The following SCIN variants were observed in gnomAD, a reference collection of about 807,000 sequenced individuals.
SCIN encodes the protein adseverin.
SCIN carries 91 observed loss-of-function variants against 91.8 expected under a neutral mutation model. That is an observed-to-expected ratio of 0.99 (90% CI 0.84 to 1.18). SCIN has a LOEUF of 1.18. Among genes scored for constraint, SCIN ranks in the 50% most tolerant of loss-of-function variants. The probability of loss-of-function intolerance (pLI) is 0.00; values close to 1 mark genes in which losing one functional copy is unlikely to be tolerated. For synonymous variants in SCIN, 367 were observed against 312.6 expected (o/e 1.17, Z -1.84); for missense variants, 1,087 against 863.9 (o/e 1.26, Z -3.24).
At chr7:12,623,372 T>C (rs1024621052) in intron 5 of SCIN, among the ~76,000 whole-genome samples, 3 of 152,108 alleles carry the variant, frequency 2.0e-5, no homozygotes, top group African/African-American at 7.2e-5. Context: ...ACAGTTCTGT[T>C]CCAGGCATTA....
Position 12,578,234 on chromosome 7 carries a change from AG to A in SCIN, c.354+17del. The A allele has an allele frequency of 6.5e-7, 1 of 1,539,548 alleles. No individual in the cohort carries two copies. Among genetic ancestry groups the A allele is most frequent in the Non-Finnish European group, 8.8e-7 (1 of 1,141,530 alleles). On this transcript the variant is annotated intron_variant, in intron 2 of 15. Coordinates refer to ENST00000297029, the MANE Select transcript of SCIN (RefSeq NM_001112706.3). ...GAAATACAAGGTAAGCAGCTCCCTCAGTTTCCATTATGAATCCCTTTCTCCT... is the reference window on the plus strand; with the variant it reads ...GAAATACAAGGTAAGCAGCTCCCTCATTTCCATTATGAATCCCTTTCTCCT...
At chr7:12,629,669 A>T (rs1374486718) in intron 9 of SCIN, among the ~76,000 whole-genome samples, 2 of 152,192 alleles carry the variant, frequency 1.3e-5, no homozygotes, top group East Asian at 3.9e-4. Flanking sequence ...ACTTGATGCA[A>T]TTCTTATTCT....
chr7:12,579,722 C>G (rs1032705056), intron 2 of SCIN, among the ~76,000 whole-genome samples: 1 of 152,192 alleles, frequency 6.6e-6, no homozygotes, highest in Non-Finnish European at 1.5e-5. Context: ...TTGAGACCAG[C>G]CTGACCAATA....
chr7:12,631,335 T>A (rs934421280), intron 9 of SCIN, among the ~76,000 whole-genome samples: 1 of 152,156 alleles, frequency 6.6e-6, no homozygotes, highest in African/African-American at 2.4e-5. Flanking sequence ...TTAACAGGTG[T>A]TTTTAGTGCA....
At chr7:12,622,664 T>C in intron 4 of SCIN, 137 bp from the exon 5 acceptor site, 3 of 628,108 alleles carry the variant, frequency 4.8e-6, no homozygotes, top group South Asian at 2.0e-5. Flanking sequence ...CTTGTATGCA[T>C]TGATGAGAAG....
intron 3 of SCIN, among the ~76,000 whole-genome samples, chr7:12,602,715 T>C (rs1782983850): frequency 6.6e-6 from 1 of 152,200 alleles, no homozygotes. Context: ...AAAAATATGG[T>C]TCTTTTTGCC....
chr7:12,571,171 A>G (rs1468544216), intron 1 of SCIN, 186 bp downstream of exon 1: 2 of 636,248 alleles, frequency 3.1e-6, no homozygotes, highest in African/African-American at 3.7e-5. Flanking sequence ...CCGGCTGCAA[A>G]CGCGGGGCTC....
chr7:12,604,459 G>T (rs1783029405), intron 3 of SCIN, 55 bp from the exon 4 acceptor site: 2 of 1,480,136 alleles, frequency 1.4e-6, no homozygotes, highest in Admixed American at 2.0e-5. Flanking sequence ...ATTACACTGA[G>T]GCTGAATGTC....
chr7:12,578,909 G>GTTTTTGTTTTTTTTT (rs1782428920), intron 2 of SCIN, among the ~76,000 whole-genome samples: 1 of 85,898 alleles, frequency 1.2e-5, no homozygotes, highest in African/African-American at 5.2e-5. Context: ...TATAGGACAG[G>GTTTTTGTTTTTTTTT]TTTTTTTTTT....
At position 12,657,572 on chromosome 7, in the gene SCIN, ATTTTTTTTTTTTTT is replaced by A. The variant is rs71030521; in HGVS notation, c.*4870_*4883del. ...TATATATATATATATATATATATATATTTTTTTTTTTTTTTTTTTTTTTTTTGCATTGGCAAAAA... is the reference window on the plus strand; with the variant it reads ...TATATATATATATATATATATATATATTTTTTTTTTTTGCATTGGCAAAAA... On this transcript the variant is annotated 3_prime_UTR_variant, in exon 16 of 16. Transcript: ENST00000297029. 9.5e-4 allele frequency: 21 copies of A among 22,086 alleles called. No homozygotes were observed. Among genetic ancestry groups the A allele is most frequent in the Admixed American group, 5.8e-3 (5 of 862 alleles). The allele number at this position is 22,086 out of a possible 1,614,324, so 1.4% of individuals were successfully genotyped here. A position where few individuals can be genotyped will look rare whatever the true frequency, so the allele number is the denominator to read the frequency against.
At chr7:12,631,982 T>C (rs1422457610) in intron 9 of SCIN, among the ~76,000 whole-genome samples, 1 of 152,156 alleles carries the variant, frequency 6.6e-6, no homozygotes, top group Non-Finnish European at 1.5e-5. Flanking sequence ...GGAGCCAAAT[T>C]GCAAATGGCC....
At chr7:12,596,400 A>T in intron 3 of SCIN, 1 of 455,128 alleles carries the variant, frequency 2.2e-6, no homozygotes, top group Non-Finnish European at 4.4e-6. Flanking sequence ...GGCCTCCCTG[A>T]TGTCTGCATT....
At chr7:12,587,786 G>A (rs763010111) in intron 3 of SCIN, among the ~76,000 whole-genome samples, 3 of 152,078 alleles carry the variant, frequency 2.0e-5, no homozygotes, top group Non-Finnish European at 2.9e-5. Context: ...GATTGCTTTG[G>A]GTTAGATTTC....
chr7:12,599,985 TC>T (rs1782925110), intron 3 of SCIN, among the ~76,000 whole-genome samples: 4 of 152,244 alleles, frequency 2.6e-5, no homozygotes, highest in Non-Finnish European at 5.9e-5. Context: ...CTTGATTCTT[TC>T]TTTTGCTGTG....
At chr7:12,589,036 G>A (rs1782658045) in intron 3 of SCIN, 1 of 152,018 alleles carries the variant, frequency 6.6e-6, no homozygotes, top group African/African-American at 2.4e-5. Flanking sequence ...CTGTTCCATG[G>A]GTGAAGGCTC....
At chr7:12,644,513 T>G in intron 12 of SCIN, 71 bp from the exon 13 acceptor site, 1 of 1,573,098 alleles carries the variant, frequency 6.4e-7, no homozygotes, top group Non-Finnish European at 8.6e-7. Flanking sequence ...GAGATAATAT[T>G]TGTTCATATA....
chr7:12,655,476 G>T lies in SCIN; in HGVS notation c.*2761G>T, dbSNP rs1407633014. The T allele has an allele frequency of 6.6e-6, 1 of 151,994 alleles. No homozygotes were observed. The highest frequency in any genetic ancestry group is 1.5e-5 in the Non-Finnish European group (1 of 67,954). The allele number at this position is 151,994 out of a possible 1,614,324, so 9.4% of individuals were successfully genotyped here. A position where few individuals can be genotyped will look rare whatever the true frequency, so the allele number is the denominator to read the frequency against. The stretch of plus-strand genomic sequence containing the variant: ...GACATGAATAGAAGTTCACAGAAAA[G>T]AATGAAAATGACCAGTAAATAATGA... On this transcript the variant is annotated 3_prime_UTR_variant, in exon 16 of 16. Coordinates refer to ENST00000297029, the MANE Select transcript of SCIN (RefSeq NM_001112706.3).
At chr7:12,574,660 A>G (rs890097941) in intron 1 of SCIN, among the ~76,000 whole-genome samples, 1 of 152,116 alleles carries the variant, frequency 6.6e-6, no homozygotes, top group African/African-American at 2.4e-5. Context: ...TAATTTTACA[A>G]AGTTGCCACT....
chr7:12,650,618 T>C (rs373063625), intron 14 of SCIN, among the ~76,000 whole-genome samples: 2 of 152,318 alleles, frequency 1.3e-5, no homozygotes, highest in East Asian at 1.9e-4. Flanking sequence ...GAAATTGCTC[T>C]GCCACAAGTG....
Sources: gnomAD v4.1 joint callset for allele counts (sites outside exome capture counted in the v4.1 genomes callset) on GRCh38, gnomAD v4.1.1 for gene constraint, MANE v1.5 for transcripts, NCBI Gene and HGNC (gene_info 2026-07-23, HGNC 2026-07-21) for gene names.